Variants in LSM12 observed in about 807,000 individuals in gnomAD.
The protein encoded by LSM12 is protein LSM12.
For synonymous variants in LSM12, 74 were observed against 87.3 expected (o/e 0.85, Z 0.85); for missense variants, 108 against 238.9 (o/e 0.45, Z 3.61).
intron 3 of LSM12, among the ~76,000 whole-genome samples, chr17:44,039,344 CG>C (rs1426738207): frequency 1.3e-5 from 2 of 148,376 alleles, no homozygotes; most frequent in African/African-American, 5.0e-5. Context: ...CGTGAGCCAC[CG>C]TGCCCGACCA....
chr17:44,044,772 G>A (rs915210234), intron 2 of LSM12, among the ~76,000 whole-genome samples: 2 of 152,194 alleles, frequency 1.3e-5, no homozygotes, highest in Non-Finnish European at 2.9e-5. Flanking sequence ...GAAAACTCAT[G>A]CAGAACATGA....
chr17:44,042,058 A>G (rs11079942), intron 2 of LSM12, among the ~76,000 whole-genome samples: 149,625 of 152,224 alleles, frequency 0.98, 73,582 homozygotes, highest in Middle Eastern at 1. Flanking sequence ...AGGCCGAGGC[A>G]GGCGGATCAC....
At chr17:44,049,524 C>T (rs557579204) in intron 2 of LSM12, among the ~76,000 whole-genome samples, 3 of 152,234 alleles carry the variant, frequency 2.0e-5, no homozygotes, top group East Asian at 3.9e-4. Flanking sequence ...GCAATCCTCC[C>T]GCCTCAGCCT....
chr17:44,062,909 A>G (rs1456364623), intron 2 of LSM12, among the ~76,000 whole-genome samples: 1 of 152,008 alleles, frequency 6.6e-6, no homozygotes, highest in Non-Finnish European at 1.5e-5. Context: ...TGTCTCCAAA[A>G]AAAAAAAAAA....
rs916701036 is a variant in LSM12 at position 44,057,048 on chromosome 17, C to G, written c.258+6753G>C. Among the ~76,000 whole-genome samples, 4 of 151,248 alleles carry G rather than the reference C, an allele frequency of 2.6e-5. 1 individual carries two copies. The highest frequency in any genetic ancestry group is 1.3e-4 in the Admixed American group (2 of 15,210). On this transcript the variant is annotated intron_variant, in intron 2 of 4. Transcript: ENST00000293406. ...GGGCGCACCTGTACTCCCAGCTACT[C>G]GGGAGGCTGAGACAGGAGAACTGCT...
intron 1 of LSM12, among the ~76,000 whole-genome samples, chr17:44,065,534 G>GT (rs1215550864): frequency 1.3e-5 from 2 of 151,552 alleles, no homozygotes; most frequent in Admixed American, 6.6e-5. Flanking sequence ...AAGGGAAGCC[G>GT]TGGCACATTT....
At chr17:44,056,726 A>T (rs1176766100) in intron 2 of LSM12, among the ~76,000 whole-genome samples, 1 of 151,838 alleles carries the variant, frequency 6.6e-6, no homozygotes, top group Admixed American at 6.6e-5. Flanking sequence ...AGCCTGGTAC[A>T]GTGGCTCACA....
At chr17:44,051,934 C>T (rs1164109548) in intron 2 of LSM12, among the ~76,000 whole-genome samples, 2 of 152,008 alleles carry the variant, frequency 1.3e-5, no homozygotes, top group East Asian at 3.9e-4. Context: ...ATGGTGAAAC[C>T]CCATCTCTAC....
intron 1 of LSM12, 71 bp from the exon 2 acceptor site, chr17:44,064,005 A>G (rs1014027795): frequency 6.5e-7 from 1 of 1,540,508 alleles, no homozygotes; most frequent in African/African-American, 1.4e-5. Context: ...AAAGGGGCAT[A>G]GAAAACACGA....
intron 2 of LSM12, among the ~76,000 whole-genome samples, chr17:44,051,011 C>T (rs1037126386): frequency 3.3e-5 from 5 of 152,170 alleles, no homozygotes; most frequent in African/African-American, 1.2e-4. Flanking sequence ...TAGTGGCTCA[C>T]GCCTGTAATC....
intron 2 of LSM12, among the ~76,000 whole-genome samples, chr17:44,046,540 T>C (rs1342845988): frequency 6.6e-6 from 1 of 150,458 alleles, no homozygotes; most frequent in African/African-American, 2.4e-5. Context: ...ACCCCGTCTC[T>C]ACTAAAAATG....
At chr17:44,039,727 C>G (rs1429475906) in intron 3 of LSM12, among the ~76,000 whole-genome samples, 1 of 152,144 alleles carries the variant, frequency 6.6e-6, no homozygotes, top group Admixed American at 6.6e-5. Flanking sequence ...TGCTCTAACT[C>G]CCTGTGTTCA....
intron 2 of LSM12, among the ~76,000 whole-genome samples, chr17:44,044,712 T>C (rs228752): frequency 0.91 from 138,802 of 152,230 alleles, 63,375 homozygotes; most frequent in East Asian, 1. Flanking sequence ...GTTTCCTTTT[T>C]TCAAAATTGA....
At chr17:44,063,188 C>T (rs1421722406) in intron 2 of LSM12, among the ~76,000 whole-genome samples, 3 of 152,076 alleles carry the variant, frequency 2.0e-5, no homozygotes, top group Non-Finnish European at 4.4e-5. Flanking sequence ...TGAGCCCAGG[C>T]GTTCAAGTTC....
intron 1 of LSM12, 137 bp from the exon 2 acceptor site, chr17:44,064,071 CG>C: frequency 1.1e-6 from 1 of 912,988 alleles, no homozygotes; most frequent in Non-Finnish European, 1.6e-6. Flanking sequence ...ATAAGAATCA[CG>C]GTTCTCCTCA....
Position 44,047,009 on chromosome 17 carries a change from C to T in LSM12, c.259-6753G>A, listed in dbSNP as rs570102293. Among the ~76,000 whole-genome samples, 264 of 151,978 alleles carry T rather than the reference C, an allele frequency of 1.7e-3. 1 individual carries two copies. The highest frequency in any genetic ancestry group is 3.4e-3 in the Middle Eastern group (1 of 294). ...CCTCCCAAAGTGCTGGGATTACAGG[C>T]GTAAGCCACAGCGCCCGGCCCTAAT... On this transcript the variant is annotated intron_variant, in intron 2 of 4. Coordinates refer to ENST00000293406, the MANE Select transcript of LSM12 (RefSeq NM_001371445.1).
Position 44,057,883 on chromosome 17 carries a change from A to G in LSM12, c.258+5918T>C, listed in dbSNP as rs567391703. On this transcript the variant is annotated intron_variant, in intron 2 of 4. Transcript: ENST00000293406. ...AATCTTCTATGGGCCCTTTGTCACAATGCCCTCCTTCCCCTGCCTTATCTC... is the reference window on the plus strand; with the variant it reads ...AATCTTCTATGGGCCCTTTGTCACAGTGCCCTCCTTCCCCTGCCTTATCTC... Among the ~76,000 whole-genome samples, 4 of 152,072 alleles carry G rather than the reference A, an allele frequency of 2.6e-5. No individual in the cohort carries two copies. The South Asian group carries it at 8.3e-4, about 32-fold the overall frequency.
chr17:44,039,816 C>A (rs2049465077), intron 3 of LSM12, among the ~76,000 whole-genome samples: 1 of 152,150 alleles, frequency 6.6e-6, no homozygotes, highest in Non-Finnish European at 1.5e-5. Flanking sequence ...AAGAAAGGCA[C>A]AAAACAACAA....
chr17:44,037,226 C>A, intron 4 of LSM12, 186 bp downstream of exon 4: 1 of 561,672 alleles, frequency 1.8e-6, no homozygotes, highest in Non-Finnish European at 2.9e-6. Flanking sequence ...CTTTCCACAC[C>A]ACCCAGTGGT....
Sources: allele counts gnomAD v4.1 joint callset (sites outside exome capture counted in the v4.1 genomes callset), GRCh38; gene constraint gnomAD v4.1.1; transcripts MANE v1.5; gene names NCBI Gene and HGNC (gene_info 2026-07-23, HGNC 2026-07-21).